Variants in AFF2 observed in about 807,000 individuals in gnomAD.
AFF2 encodes the protein ALF transcription elongation factor 2.
In AFF2, 14 loss-of-function variants were observed where a neutral mutation model predicts 76.9. The observed-to-expected ratio is 0.18, with a 90% CI of 0.12 to 0.28. AFF2 has a LOEUF of 0.28. Ranked by LOEUF, AFF2 falls within the 10% of genes least tolerant of loss-of-function variation. AFF2 has a pLI of 1.00. For missense variants in AFF2, 868 were observed against 1,001.1 expected (o/e 0.87, Z 1.79); for synonymous variants, 398 against 366.7 (o/e 1.09, Z -0.98).
At chrX:148,754,318 G>C (rs902326566) in intron 3 of AFF2, among the ~76,000 whole-genome samples, 2 of 110,882 alleles carry the variant, frequency 1.8e-5, no homozygotes, top group Non-Finnish European at 3.8e-5. Context: ...ACCAATAATT[G>C]TGTTAGGCTT....
Position 148,956,387 on chromosome X carries a change from T to C in AFF2, c.2342T>C (p.Ile781Thr), listed in dbSNP as rs1557287359. The C allele has an allele frequency of 8.3e-7, 1 of 1,211,416 alleles. No homozygotes were observed. The highest frequency in any genetic ancestry group is 1.1e-6 in the Non-Finnish European group (1 of 895,285). Residue 781 changes from isoleucine to threonine, a missense_variant, in exon 11 of 21, where the codon ATT becomes ACT. This residue lies in a region of AFF2 where 532 missense variants were observed against 564.2 expected (regional missense o/e 0.94). Transcript: ENST00000370460. ...ISNEEPTFSP[I>T]PVMQTEILSP... Reference sequence around the variant, plus strand: ...AATGAAGAGCCAACATTTTCACCTATTCCTGTCATGCAAACTGAAATCCTG... The same window carrying C: ...AATGAAGAGCCAACATTTTCACCTACTCCTGTCATGCAAACTGAAATCCTG...
rs1370095830 is a variant in AFF2 at position 148,989,759 on chromosome X, G to T, written c.3815-1452G>T. Among the ~76,000 whole-genome samples the T allele has an allele frequency of 5.3e-5, 6 of 112,221 alleles. No homozygotes were observed. In the South Asian group the frequency reaches 1.1e-3, roughly 21 times the overall value. On this transcript the variant is annotated intron_variant, in intron 20 of 20. Coordinates refer to ENST00000370460, the MANE Select transcript of AFF2 (RefSeq NM_002025.4). ...GTGAAGTTGGTTCTCCCAGTGAAAG[G>T]TCTCCACTCCTGCCTCATACTGCCC...
At chrX:148,786,768 C>T (rs2069826634) in intron 3 of AFF2, among the ~76,000 whole-genome samples, 1 of 111,573 alleles carries the variant, frequency 9.0e-6, no homozygotes, top group Non-Finnish European at 1.9e-5. Context: ...AAACAATCAC[C>T]ATCAACAATA....
chrX:148,925,367 A>G lies in AFF2; in HGVS notation c.1397+21109A>G, dbSNP rs1195679919. On this transcript the variant is annotated intron_variant, in intron 9 of 20. Transcript: ENST00000370460. Reference sequence around the variant, plus strand: ...GGCTAGAACACAGTAGGTATTTAATATTTGTTTAAATGATTGAATGCAAGA... The same window carrying G: ...GGCTAGAACACAGTAGGTATTTAATGTTTGTTTAAATGATTGAATGCAAGA... Among the ~76,000 whole-genome samples, 5 of 112,821 alleles carry G rather than the reference A, an allele frequency of 4.4e-5. No homozygotes were observed. The East Asian group carries it at 1.4e-3, about 31-fold the overall frequency.
At chrX:148,733,886 A>G (rs2055255317) in intron 3 of AFF2, among the ~76,000 whole-genome samples, 1 of 112,526 alleles carries the variant, frequency 8.9e-6, no homozygotes, top group Admixed American at 9.4e-5. Flanking sequence ...CTATAATCTG[A>G]CAGAAGGAGA....
chrX:148,915,627 G>A (rs1331877919), intron 9 of AFF2, among the ~76,000 whole-genome samples: 7 of 112,257 alleles, frequency 6.2e-5, no homozygotes, highest in African/African-American at 2.3e-4. Context: ...TGTGGTTGCT[G>A]GGGATCTGCT....
chrX:148,727,282 A>T (rs1238333598), intron 3 of AFF2, among the ~76,000 whole-genome samples: 1 of 111,483 alleles, frequency 9.0e-6, no homozygotes, highest in African/African-American at 3.3e-5. Flanking sequence ...AAATTTTAAG[A>T]TTCATTTAAC....
chrX:148,925,602 G>C (rs913914449), intron 9 of AFF2, among the ~76,000 whole-genome samples: 2 of 112,299 alleles, frequency 1.8e-5, no homozygotes, highest in East Asian at 5.6e-4. Context: ...ATAGCCTGGA[G>C]TAGTGAGGGG....
intron 1 of AFF2, among the ~76,000 whole-genome samples, chrX:148,522,303 T>C (rs1362085422): frequency 1.8e-5 from 2 of 112,535 alleles, no homozygotes; most frequent in African/African-American, 6.5e-5. Context: ...GTGCATGCAT[T>C]TGCATGGGGC....
chrX:148,627,995 G>C (rs900444782), intron 1 of AFF2, among the ~76,000 whole-genome samples: 1 of 111,632 alleles, frequency 9.0e-6, no homozygotes, highest in African/African-American at 3.3e-5. Flanking sequence ...TATGGTGTTC[G>C]AGAAAGAGCA....
intron 15 of AFF2, 58 bp from the exon 16 acceptor site, chrX:148,973,413 T>C: frequency 8.4e-7 from 1 of 1,190,552 alleles, no homozygotes; most frequent in Non-Finnish European, 1.1e-6. Flanking sequence ...CAAACCACTC[T>C]TTTATATGAA....
At chrX:148,588,529 CTA>C (rs1231939930) in intron 1 of AFF2, among the ~76,000 whole-genome samples, 3 of 112,633 alleles carry the variant, frequency 2.7e-5, no homozygotes, top group Non-Finnish European at 5.6e-5. Context: ...CTTGCAGAAA[CTA>C]TCATGTAGAT....
intron 3 of AFF2, among the ~76,000 whole-genome samples, chrX:148,698,838 G>C (rs782324649): frequency 1.9e-3 from 169 of 88,901 alleles, no homozygotes; most frequent in Non-Finnish European, 3.2e-3. Context: ...TGTTAGCCTA[G>C]ATTCTATACT....
chrX:148,841,495 A>G (rs1045253031), intron 5 of AFF2, among the ~76,000 whole-genome samples: 2 of 111,978 alleles, frequency 1.8e-5, no homozygotes, highest in Non-Finnish European at 3.8e-5. Context: ...TAACTTATAT[A>G]TTATGATGAG....
intron 9 of AFF2, among the ~76,000 whole-genome samples, chrX:148,942,472 G>T (rs781808139): frequency 9.0e-6 from 1 of 111,441 alleles, no homozygotes; most frequent in Non-Finnish European, 1.9e-5. Context: ...GTATAAAAGA[G>T]CAAAGCTTTT....
intron 5 of AFF2, 47 bp downstream of exon 5, chrX:148,837,780 T>C: frequency 1.1e-6 from 1 of 920,056 alleles, no homozygotes; most frequent in Admixed American, 2.4e-5. Flanking sequence ...ATTTTAATTA[T>C]ACCAATCTTC....
intron 3 of AFF2, among the ~76,000 whole-genome samples, chrX:148,715,462 G>A (rs1329535287): frequency 9.0e-6 from 1 of 110,958 alleles, no homozygotes; most frequent in Admixed American, 9.6e-5. Context: ...ACACATGCGT[G>A]CATGCTCCGG....
At chrX:148,622,310 G>A (rs961388215) in intron 1 of AFF2, among the ~76,000 whole-genome samples, 1 of 111,842 alleles carries the variant, frequency 8.9e-6, no homozygotes, top group Non-Finnish European at 1.9e-5. Flanking sequence ...ACACAAAATT[G>A]TGGGAGTTGG....
intron 3 of AFF2, among the ~76,000 whole-genome samples, chrX:148,762,480 A>ATATGTGTG (rs1557267400): frequency 1.1e-5 from 1 of 92,560 alleles, no homozygotes; most frequent in Admixed American, 1.2e-4. Context: ...ACATATGTAT[A>ATATGTGTG]TGTGTGTGTG....
Sources: gnomAD v4.1 joint callset for allele counts (sites outside exome capture counted in the v4.1 genomes callset) on GRCh38, gnomAD v4.1.1 for gene constraint, gnomAD v4.1.1 regional missense constraint, MANE v1.5 for transcripts, NCBI Gene and HGNC (gene_info 2026-07-23, HGNC 2026-07-21) for gene names.